The following PRKN variants were observed in gnomAD, a reference collection of about 807,000 sequenced individuals.
The protein encoded by PRKN is parkin RBR E3 ubiquitin protein ligase.
Under a neutral mutation model 59.5 loss-of-function variants are expected in PRKN, and 56 were observed. The ratio of observed to expected loss-of-function variants is 0.94; its 90% CI spans 0.76 to 1.18. The LOEUF is 1.18. PRKN is among the 50% of genes most tolerant of loss of function. The pLI is 0.00. For synonymous variants in PRKN, 250 were observed against 222.1 expected (o/e 1.13, Z -1.12); for missense variants, 657 against 596.4 (o/e 1.10, Z -1.06).
At chr6:162,570,732 C>T (rs911872481) in intron 1 of PRKN, among the ~76,000 whole-genome samples, 3 of 152,100 alleles carry the variant, frequency 2.0e-5, no homozygotes, top group Non-Finnish European at 4.4e-5. Flanking sequence ...ATCACATGTT[C>T]TCACTTATTT....
chr6:162,318,865 C>A (rs1782864571), intron 2 of PRKN, among the ~76,000 whole-genome samples: 1 of 151,982 alleles, frequency 6.6e-6, no homozygotes, highest in African/African-American at 2.4e-5. Context: ...GATCAGCATG[C>A]TACATTTAGT....
Position 162,268,676 on chromosome 6 carries a change from G to A in PRKN, c.172-5911C>T, listed in dbSNP as rs547402176. Among the ~76,000 whole-genome samples, 13 of 152,246 alleles carry A rather than the reference G, an allele frequency of 8.5e-5. No homozygotes were observed. The South Asian group carries it at 2.7e-3, about 32-fold the overall frequency. On this transcript the variant is annotated intron_variant, in intron 2 of 11. Transcript: ENST00000366898. Reference sequence around the variant, plus strand: ...AAAGGGGAGCCACAGAGAAGTTCACGATGGGTTCAACAACACCCAGCTCCC... The same window carrying A: ...AAAGGGGAGCCACAGAGAAGTTCACAATGGGTTCAACAACACCCAGCTCCC...
At chr6:162,404,167 C>T (rs7746190) in intron 2 of PRKN, among the ~76,000 whole-genome samples, 15,648 of 151,654 alleles carry the variant, frequency 0.1, 996 homozygotes, top group African/African-American at 0.18. Flanking sequence ...GTCAGGAGTT[C>T]GAGACCAGCC....
chr6:162,113,929 A>G (rs995705631), intron 4 of PRKN, among the ~76,000 whole-genome samples: 9 of 152,050 alleles, frequency 5.9e-5, no homozygotes, highest in Admixed American at 2.0e-4. Context: ...AGCTTTCTAC[A>G]TATGGCTAAC....
intron 4 of PRKN, among the ~76,000 whole-genome samples, chr6:162,084,338 G>A (rs536758504): frequency 5.3e-5 from 8 of 152,222 alleles, no homozygotes; most frequent in Non-Finnish European, 1.2e-4. Flanking sequence ...TGAAAAGGCA[G>A]CTCCGTGGAG....
intron 4 of PRKN, among the ~76,000 whole-genome samples, chr6:162,119,152 C>A (rs1200203568): frequency 6.6e-6 from 1 of 152,168 alleles, no homozygotes; most frequent in African/African-American, 2.4e-5. Context: ...AAAGAAAAAG[C>A]ACACTTTTTC....
At chr6:161,978,203 C>G (rs1781128026) in intron 5 of PRKN, among the ~76,000 whole-genome samples, 1 of 152,126 alleles carries the variant, frequency 6.6e-6, no homozygotes, top group Non-Finnish European at 1.5e-5. Context: ...GCATGTGCCA[C>G]CATGCCCAAC....
At position 162,172,503 on chromosome 6, in the gene PRKN, G is replaced by A. The variant is rs1013420369; in HGVS notation, c.534+28628C>T. ...CTCTTACCACAGATGGACTGGGTTT[G>A]AATCATGGCTGTTAAATGCCCTTCA... is the stretch of plus-strand genomic sequence containing the variant. On this transcript the variant is annotated intron_variant, in intron 4 of 11. Coordinates refer to ENST00000366898, the MANE Select transcript of PRKN (RefSeq NM_004562.3). Among the ~76,000 whole-genome samples the A allele has an allele frequency of 3.3e-5, 5 of 152,182 alleles. No homozygotes were observed. The South Asian group carries it at 1.0e-3, about 31-fold the overall frequency.
intron 7 of PRKN, among the ~76,000 whole-genome samples, chr6:161,589,664 G>A (rs1781645337): frequency 6.6e-6 from 1 of 151,858 alleles, no homozygotes; most frequent in Admixed American, 6.6e-5. Context: ...ATTGCATAGA[G>A]ATGTTTGTCT....
intron 1 of PRKN, among the ~76,000 whole-genome samples, chr6:162,688,860 T>C (rs1777663493): frequency 6.6e-6 from 1 of 152,202 alleles, no homozygotes; most frequent in Non-Finnish European, 1.5e-5. Flanking sequence ...AATTGTGTTT[T>C]TACTTTTTTC....
chr6:161,691,986 C>A (rs975732292), intron 7 of PRKN, among the ~76,000 whole-genome samples: 1 of 151,080 alleles, frequency 6.6e-6, no homozygotes, highest in African/African-American at 2.4e-5. Flanking sequence ...CTGAGTTTGC[C>A]GATTTGTGGA....
In PRKN at chr6:161,545,148, G is replaced by T; in HGVS notation, c.1083+3706C>A. ...AACTTTTTTATACGCGATTTTTTTT[G>T]TAACAGCTAACATTTCTTGCATACC... On this transcript the variant is annotated intron_variant, in intron 9 of 11. Transcript: ENST00000366898. The surrounding 1 kb of genome is among the most constrained non-coding windows in gnomAD (Gnocchi z 4.1). 1.6e-6 allele frequency: 2 copies of T among 1,288,600 alleles called. No homozygotes were observed. The highest frequency in any genetic ancestry group is 2.0e-6 in the Non-Finnish European group (2 of 1,019,812). 79.8% of individuals were successfully genotyped at this position (1,288,600 alleles called of 1,614,324 possible).
At chr6:161,541,657 C>T (rs191864516) in intron 9 of PRKN, among the ~76,000 whole-genome samples, 1 of 152,104 alleles carries the variant, frequency 6.6e-6, no homozygotes, top group East Asian at 1.9e-4. Flanking sequence ...CCCGTCTCTA[C>T]TAAATTTACA....
chr6:162,076,267 G>C (rs1778823652), intron 4 of PRKN, among the ~76,000 whole-genome samples: 1 of 152,092 alleles, frequency 6.6e-6, no homozygotes, highest in Non-Finnish European at 1.5e-5. Context: ...ACCTGGCCCA[G>C]CCAAGGAAGG....
intron 2 of PRKN, among the ~76,000 whole-genome samples, chr6:162,426,958 C>A (rs139888527): frequency 6.6e-6 from 1 of 152,144 alleles, no homozygotes; most frequent in Non-Finnish European, 1.5e-5. Flanking sequence ...TTGTTTCCTA[C>A]GTTAGCCCCA....
intron 2 of PRKN, among the ~76,000 whole-genome samples, chr6:162,442,184 C>T (rs1215420333): frequency 6.6e-6 from 1 of 152,048 alleles, no homozygotes; most frequent in Non-Finnish European, 1.5e-5. Context: ...CTTTGTATAC[C>T]CAAATTCTGA....
intron 5 of PRKN, among the ~76,000 whole-genome samples, chr6:162,042,202 TATA>T (rs765602311): frequency 6.6e-6 from 1 of 152,034 alleles, no homozygotes; most frequent in Non-Finnish European, 1.5e-5. Flanking sequence ...TCACAAGAAT[TATA>T]ATAACATAAA....
At chr6:162,102,548 C>T (rs191022461) in intron 4 of PRKN, among the ~76,000 whole-genome samples, 132 of 152,288 alleles carry the variant, frequency 8.7e-4, no homozygotes, top group African/African-American at 3.1e-3. Context: ...TTCGACTGCT[C>T]ATGCTGCATT....
rs574550571 is a variant in PRKN at position 161,520,786 on chromosome 6, A to C, written c.1083+28068T>G. Among the ~76,000 whole-genome samples, 24 of 152,352 alleles carry C rather than the reference A, an allele frequency of 1.6e-4. No homozygotes were observed. The South Asian group carries it at 2.1e-3, about 13-fold the overall frequency. On this transcript the variant is annotated intron_variant, in intron 9 of 11. Transcript: ENST00000366898. ...CAATGCTGATGAGTAGGCTTGACTT[A>C]TGATGAGAAAGCTGTTCTTCCAAAT...
Sources: allele counts gnomAD v4.1 joint callset (sites outside exome capture counted in the v4.1 genomes callset), GRCh38; gene constraint gnomAD v4.1.1; non-coding constraint Gnocchi (gnomAD v3.1); transcripts MANE v1.5; gene names NCBI Gene and HGNC (gene_info 2026-07-23, HGNC 2026-07-21).